Variants in KLHL1 observed in about 807,000 individuals in gnomAD.
The protein encoded by KLHL1 is kelch-like protein 1.
In KLHL1, 47 loss-of-function variants were observed where a neutral mutation model predicts 77.7. The ratio of observed to expected loss-of-function variants is 0.60; its 90% CI spans 0.48 to 0.77. KLHL1 has a LOEUF of 0.77. Ranked by LOEUF, KLHL1 falls within the 30% of genes least tolerant of loss-of-function variation. The pLI, the probability that KLHL1 is intolerant of heterozygous loss-of-function variation, is 0.00. For missense variants in KLHL1, 925 were observed against 910.8 expected (o/e 1.02, Z -0.20); for synonymous variants, 360 against 325.2 (o/e 1.11, Z -1.15).
At chr13:69,937,390 AT>A (rs2138294403) in intron 4 of KLHL1, among the ~76,000 whole-genome samples, 1 of 152,288 alleles carries the variant, frequency 6.6e-6, no homozygotes, top group African/African-American at 2.4e-5. Flanking sequence ...TTATTCTGGC[AT>A]AGGCAGCCAT....
chr13:69,945,239 C>T (rs1031628603), intron 3 of KLHL1, among the ~76,000 whole-genome samples: 4 of 151,862 alleles, frequency 2.6e-5, no homozygotes, highest in Admixed American at 1.3e-4. Context: ...TCCCAAAGTG[C>T]TGGGATTACA....
chr13:69,771,355 T>TGGCTTAA (rs367723857), intron 7 of KLHL1, among the ~76,000 whole-genome samples: 2 of 152,086 alleles, frequency 1.3e-5, no homozygotes, highest in African/African-American at 4.8e-5. Flanking sequence ...TATTTAAAGT[T>TGGCTTAA]GGCTTAAGCA....
chr13:69,793,495 TAA>T (rs2138032158), intron 7 of KLHL1, among the ~76,000 whole-genome samples: 1 of 2,192 alleles, frequency 4.6e-4, no homozygotes, highest in East Asian at 0.015. Flanking sequence ...TAAAATCATG[TAA>T]GTTTTTTTTT....
At chr13:69,810,934 T>C (rs1056007553) in intron 6 of KLHL1, among the ~76,000 whole-genome samples, 1 of 151,732 alleles carries the variant, frequency 6.6e-6, no homozygotes, top group African/African-American at 2.4e-5. Flanking sequence ...GAAGAAACAT[T>C]AATCCAGAAC....
At chr13:69,911,111 TTC>T (rs894322927) in intron 4 of KLHL1, among the ~76,000 whole-genome samples, 8 of 151,852 alleles carry the variant, frequency 5.3e-5, no homozygotes, top group African/African-American at 9.7e-5. Context: ...CAGTCTGTCT[TTC>T]TCTCTCTCTC....
At chr13:69,839,773 C>G (rs1879168912) in intron 5 of KLHL1, among the ~76,000 whole-genome samples, 1 of 151,880 alleles carries the variant, frequency 6.6e-6, no homozygotes, top group Non-Finnish European at 1.5e-5. Flanking sequence ...TAGAGTGAGA[C>G]CAGTAGTTTT....
chr13:69,982,701 T>C (rs1483396394), intron 1 of KLHL1, among the ~76,000 whole-genome samples: 1 of 151,830 alleles, frequency 6.6e-6, no homozygotes, highest in Non-Finnish European at 1.5e-5. Flanking sequence ...GATACACTTA[T>C]GCAACTAGAA....
At chr13:69,855,349 CAGACAG>C (rs1879859016) in intron 5 of KLHL1, among the ~76,000 whole-genome samples, 5 of 87,708 alleles carry the variant, frequency 5.7e-5, no homozygotes, top group South Asian at 3.9e-4. Context: ...GATAGATAGA[CAGACAG>C]ATAGATACAT....
intron 6 of KLHL1, among the ~76,000 whole-genome samples, chr13:69,810,419 C>T (rs1281011161): frequency 6.6e-6 from 1 of 151,958 alleles, no homozygotes. Flanking sequence ...GTATATTAAA[C>T]AACTTGCCCC....
rs1733835197 is a variant in KLHL1, at chr13:69,707,767, A to G, written c.2045T>C (p.Met682Thr). The change falls in exon 10 of 11, where the codon ATG becomes ACG. Residue 682 changes from methionine to threonine, a missense_variant. Transcript: ENST00000377844. ...RYDPKTDTWT[M>T]VAPLSMPRDA... is the part of the protein sequence containing the mutation. ...TCTGGGCATACTCAAAGGAGCCACC[A>G]TGGTCCAAGTGTCTGTTTTGGGATC... The G allele has an allele frequency of 3.1e-6, 5 of 1,612,644 alleles. No individual in the cohort carries two copies. The South Asian group carries it at 5.5e-5, about 18-fold the overall frequency.
At chr13:69,799,500 C>T (rs76049167) in intron 6 of KLHL1, among the ~76,000 whole-genome samples, 5,564 of 152,252 alleles carry the variant, frequency 0.037, 129 homozygotes, top group Middle Eastern at 0.061. Flanking sequence ...TAACTTCAGT[C>T]TTCAAAAGTG....
At chr13:69,765,507 A>T (rs1875256942) in intron 7 of KLHL1, among the ~76,000 whole-genome samples, 1 of 152,132 alleles carries the variant, frequency 6.6e-6, no homozygotes. Context: ...AATACTAGGT[A>T]ATATTAAAAA....
Position 69,940,189 on chromosome 13 carries a change from C to T in KLHL1, c.865G>A (p.Ala289Thr). 1 of 1,612,546 alleles carries T rather than the reference C, an allele frequency of 6.2e-7. No homozygotes were observed. Among genetic ancestry groups the T allele is most frequent in the Non-Finnish European group, 8.5e-7 (1 of 1,179,466 alleles). ...EDTIENLLAA[A>T]CLLQLPQVVE... Reference sequence around the variant, plus strand: ...ACCTGTGGAAGCTGAAGAAGGCACGCTGCAGCAAGAAGGTTCTCAATGGTG... The same window carrying T: ...ACCTGTGGAAGCTGAAGAAGGCACGTTGCAGCAAGAAGGTTCTCAATGGTG... Residue 289 changes from alanine (A) to threonine (T), a missense_variant, in exon 4 of 11, where the codon GCG becomes ACG. Coordinates refer to ENST00000377844, the MANE Select transcript of KLHL1 (RefSeq NM_020866.3).
intron 1 of KLHL1, among the ~76,000 whole-genome samples, chr13:70,105,620 A>G (rs1186319983): frequency 6.6e-6 from 1 of 151,340 alleles, no homozygotes; most frequent in Non-Finnish European, 1.5e-5. Context: ...TGAATTGCTT[A>G]ATGTTTCTGG....
chr13:70,008,287 A>C (rs2137334126), intron 1 of KLHL1, among the ~76,000 whole-genome samples: 1 of 152,232 alleles, frequency 6.6e-6, no homozygotes, highest in African/African-American at 2.4e-5. Context: ...CACAGAGAAT[A>C]CAACTTAGGA....
At chr13:69,988,110 C>A (rs1236375015) in intron 1 of KLHL1, among the ~76,000 whole-genome samples, 3 of 151,772 alleles carry the variant, frequency 2.0e-5, no homozygotes, top group Non-Finnish European at 2.9e-5. Flanking sequence ...ACCTCTCCTT[C>A]CTCCCATCCT....
rs150365803 is a variant in KLHL1 at position 69,965,232 on chromosome 13, C to T, written c.681-3788G>A. Among the ~76,000 whole-genome samples, 7 of 152,298 alleles carry T rather than the reference C, an allele frequency of 4.6e-5. No homozygotes were observed. In the East Asian group the frequency reaches 1.2e-3, roughly 25 times the overall value. ...AGGCTTATAGCAACTCATTATCTAG[C>T]AATTCCATCAAAACCAGTTTTCCAA... On this transcript the variant is annotated intron_variant, in intron 2 of 10. Transcript: ENST00000377844.
intron 1 of KLHL1, among the ~76,000 whole-genome samples, chr13:70,103,290 G>T (rs543412613): frequency 2.6e-5 from 4 of 152,138 alleles, no homozygotes; most frequent in Non-Finnish European, 4.4e-5. Flanking sequence ...TAAGGGGAAG[G>T]TTGGTAAGTG....
chr13:69,712,779 G>T (rs1379122485), intron 9 of KLHL1, among the ~76,000 whole-genome samples: 2 of 146,346 alleles, frequency 1.4e-5, no homozygotes, highest in Non-Finnish European at 3.0e-5. Context: ...TTTTGGGGGG[G>T]GGGTTTTGTT....
Sources: gnomAD v4.1 joint callset for allele counts (sites outside exome capture counted in the v4.1 genomes callset) on GRCh38, gnomAD v4.1.1 for gene constraint, MANE v1.5 for transcripts, NCBI Gene and HGNC (gene_info 2026-07-23, HGNC 2026-07-21) for gene names.